GRM1: variants seen among roughly 807,000 people sequenced by gnomAD.
GRM1 encodes the protein metabotropic glutamate receptor 1.
Under a neutral mutation model 90.9 loss-of-function variants are expected in GRM1, and 33 were observed. That is an observed-to-expected ratio of 0.36 (90% CI 0.28 to 0.49). The LOEUF is 0.49. Among genes scored for constraint, GRM1 ranks in the 20% least tolerant of loss-of-function variants. The pLI, the probability that GRM1 is intolerant of heterozygous loss-of-function variation, is 0.99. For synonymous variants in GRM1, 700 were observed against 613.2 expected (o/e 1.14, Z -2.09); for missense variants, 1,190 against 1,534.3 (o/e 0.78, Z 3.75).
chr6:146,150,938 G>GTGCACACA (rs1554273699), intron 1 of GRM1, among the ~76,000 whole-genome samples: 5 of 150,708 alleles, frequency 3.3e-5, no homozygotes, highest in Non-Finnish European at 5.9e-5. Flanking sequence ...GCGTGTGCGC[G>GTGCACACA]CACACACACA....
chr6:146,379,885 G>A (rs919517987), intron 5 of GRM1, among the ~76,000 whole-genome samples: 1 of 151,948 alleles, frequency 6.6e-6, no homozygotes, highest in Non-Finnish European at 1.5e-5. Flanking sequence ...GGTTACCAGA[G>A]ACTCTTGTTC....
At chr6:146,194,269 C>T (rs1012554136) in intron 2 of GRM1, among the ~76,000 whole-genome samples, 10 of 152,122 alleles carry the variant, frequency 6.6e-5, no homozygotes, top group African/African-American at 2.4e-4. Flanking sequence ...TCTTCATTAT[C>T]CACTAATGAC....
chr6:146,051,713 G>T (rs1348555485), intron 1 of GRM1, among the ~76,000 whole-genome samples: 1 of 152,030 alleles, frequency 6.6e-6, no homozygotes, highest in Non-Finnish European at 1.5e-5. Flanking sequence ...GACATCAAAG[G>T]TTATTCCTAT....
rs765896116 is a variant in GRM1, at chr6:146,398,907, T to C, written c.1868T>C (p.Val623Ala). 1 of 1,614,068 alleles carries C rather than the reference T, an allele frequency of 6.2e-7. No individual in the cohort carries two copies. Among genetic ancestry groups the C allele is most frequent in the Non-Finnish European group, 8.5e-7 (1 of 1,179,984 alleles). Residue 623 changes from valine to alanine, a missense_variant, in exon 7 of 8, where the codon GTC (valine) becomes GCC (alanine). Val to Ala is a moderately conservative substitution (Grantham distance 64). Around this residue, in one of 10 missense-constraint regions of GRM1, gnomAD observed 414 missense variants for 598.4 expected, o/e 0.69. Coordinates refer to ENST00000282753, the MANE Select transcript of GRM1 (RefSeq NM_001278064.2). Reference sequence around the variant, plus strand: ...GTACTGTACCGGGACACACCAGTGGTCAAATCCTCCAGTCGGGAGCTCTGC... The same window carrying C: ...GTACTGTACCGGGACACACCAGTGGCCAAATCCTCCAGTCGGGAGCTCTGC... ...IFVLYRDTPVVKSSSRELCYI... is the reference protein window; with the variant it reads ...IFVLYRDTPVAKSSSRELCYI...
At chr6:146,243,503 A>C (rs556808216) in intron 2 of GRM1, among the ~76,000 whole-genome samples, 11 of 152,222 alleles carry the variant, frequency 7.2e-5, no homozygotes, top group African/African-American at 2.2e-4. Context: ...TCTTTTACAG[A>C]ATACAATGTA....
At chr6:146,213,478 G>T (rs1779749331) in intron 2 of GRM1, among the ~76,000 whole-genome samples, 1 of 152,160 alleles carries the variant, frequency 6.6e-6, no homozygotes, top group South Asian at 2.1e-4. Flanking sequence ...AAGGGATCCT[G>T]TAAATCAGAA....
chr6:146,332,076 A>G (rs1367051925), intron 3 of GRM1, among the ~76,000 whole-genome samples: 1 of 152,228 alleles, frequency 6.6e-6, no homozygotes, highest in Non-Finnish European at 1.5e-5. Context: ...TCATAATGGT[A>G]GATTTCATGA....
chr6:146,372,023 T>A (rs4476851), intron 5 of GRM1, among the ~76,000 whole-genome samples: 65,617 of 151,476 alleles, frequency 0.43, 14,276 homozygotes, highest in African/African-American at 0.49. Context: ...TTAGTTTTTT[T>A]AAGGAAACTC....
intron 2 of GRM1, among the ~76,000 whole-genome samples, chr6:146,187,461 T>G (rs1320719900): frequency 6.6e-6 from 1 of 152,076 alleles, no homozygotes; most frequent in Non-Finnish European, 1.5e-5. Flanking sequence ...TTTCTGCTAA[T>G]CCCCTTACTT....
chr6:146,082,886 T>C (rs867399117), intron 1 of GRM1, among the ~76,000 whole-genome samples: 3 of 152,304 alleles, frequency 2.0e-5, no homozygotes, highest in South Asian at 2.1e-4. Context: ...TGTTTTTCCA[T>C]TTGTTTGTAT....
At chr6:146,374,678 A>G (rs1776029198) in intron 5 of GRM1, among the ~76,000 whole-genome samples, 1 of 152,116 alleles carries the variant, frequency 6.6e-6, no homozygotes, top group African/African-American at 2.4e-5. Context: ...AGTAGCCAGT[A>G]ATGATCCTTT....
At chr6:146,073,827 G>A (rs757999210) in intron 1 of GRM1, among the ~76,000 whole-genome samples, 13 of 152,152 alleles carry the variant, frequency 8.5e-5, no homozygotes, top group African/African-American at 1.2e-4. Context: ...TTCTGGAATT[G>A]CATTGTGAGG....
chr6:146,236,932 G>A (rs912399111), intron 2 of GRM1, among the ~76,000 whole-genome samples: 3 of 152,078 alleles, frequency 2.0e-5, no homozygotes, highest in Non-Finnish European at 4.4e-5. Flanking sequence ...AACTCCCCAA[G>A]TGTTTTTGGT....
At chr6:146,267,687 GCTCGGCTCGGCTCGGCTCGT>G (rs1781958921) in intron 2 of GRM1, among the ~76,000 whole-genome samples, 4 of 102,428 alleles carry the variant, frequency 3.9e-5, no homozygotes, top group African/African-American at 3.4e-4. Context: ...GCTGGGCTCG[GCTCGGCTCGGCTCGGCTCGT>G]CTCGTCTCGT....
At chr6:146,235,819 G>A (rs563090614) in intron 2 of GRM1, among the ~76,000 whole-genome samples, 4 of 150,566 alleles carry the variant, frequency 2.7e-5, no homozygotes, top group Non-Finnish European at 4.4e-5. Context: ...TGATCTATCT[G>A]ATCATGTCTG....
chr6:146,056,421 C>A lies in GRM1; in HGVS notation c.700+26204C>A, dbSNP rs535715865. Among the ~76,000 whole-genome samples, 179 of 152,178 alleles carry A rather than the reference C, an allele frequency of 1.2e-3. 2 individuals are homozygous for A. Among genetic ancestry groups the A allele is most frequent in the Non-Finnish European group, 3.5e-4 (24 of 67,984 alleles). ...AAACGTCCCTGTCTTTACATTGCAGCAACTAATTAATTTTTTGAAACACCA... is the reference window on the plus strand; with the variant it reads ...AAACGTCCCTGTCTTTACATTGCAGAAACTAATTAATTTTTTGAAACACCA... On this transcript the variant is annotated intron_variant, in intron 1 of 7. Coordinates refer to ENST00000282753, the MANE Select transcript of GRM1 (RefSeq NM_001278064.2).
intron 7 of GRM1, among the ~76,000 whole-genome samples, chr6:146,413,502 A>G (rs1283553787): frequency 6.6e-6 from 1 of 152,056 alleles, no homozygotes; most frequent in African/African-American, 2.4e-5. Context: ...AATTCCTAGT[A>G]TCTATATATT....
intron 1 of GRM1, among the ~76,000 whole-genome samples, chr6:146,064,880 G>A (rs573733792): frequency 4.7e-5 from 7 of 147,490 alleles, no homozygotes; most frequent in South Asian, 4.3e-4. Context: ...AATTTTTTTC[G>A]AGATTGAGTC....
intron 1 of GRM1, among the ~76,000 whole-genome samples, chr6:146,064,872 T>C (rs1775795105): frequency 6.6e-6 from 1 of 151,856 alleles, no homozygotes; most frequent in Non-Finnish European, 1.5e-5. Context: ...AGTTACAGAA[T>C]TTTTTTCGAG....
Sources: gnomAD v4.1 joint callset for allele counts (sites outside exome capture counted in the v4.1 genomes callset) on GRCh38, gnomAD v4.1.1 for gene constraint, gnomAD v4.1.1 regional missense constraint, MANE v1.5 for transcripts, NCBI Gene and HGNC (gene_info 2026-07-23, HGNC 2026-07-21) for gene names.